Variants in C1orf87 observed in about 807,000 individuals in gnomAD.
C1orf87 encodes uncharacterized protein C1orf87.
C1orf87 carries 58 observed loss-of-function variants against 60.5 expected under a neutral mutation model. The ratio of observed to expected loss-of-function variants is 0.96; its 90% CI spans 0.78 to 1.19. The LOEUF (loss-of-function observed/expected upper bound fraction) is 1.19, where lower values mean the gene tolerates loss of function less well. Among genes scored for constraint, C1orf87 ranks in the 50% most tolerant of loss-of-function variants. C1orf87 has a pLI of 0.00. For synonymous variants in C1orf87, 236 were observed against 227.4 expected (o/e 1.04, Z -0.34); for missense variants, 673 against 638.6 (o/e 1.05, Z -0.58).
chr1:60,018,592 C>A (rs922936681), intron 8 of C1orf87, among the ~76,000 whole-genome samples: 12 of 152,124 alleles, frequency 7.9e-5, no homozygotes, highest in African/African-American at 2.4e-4. Context: ...CTTGCTTTTT[C>A]TTCCTTTAGA....
At chr1:60,045,836 G>A (rs926507334) in intron 3 of C1orf87, among the ~76,000 whole-genome samples, 17 of 152,284 alleles carry the variant, frequency 1.1e-4, no homozygotes, top group Admixed American at 7.2e-4. Flanking sequence ...TCTGACGCAC[G>A]CTGAAGTTTG....
intron 6 of C1orf87, among the ~76,000 whole-genome samples, chr1:60,037,373 A>G (rs1326039125): frequency 6.6e-6 from 1 of 152,164 alleles, no homozygotes; most frequent in Non-Finnish European, 1.5e-5. Context: ...AGAATATCTG[A>G]GATTGGGTCA....
chr1:60,070,247 T>G (rs1429565480), intron 2 of C1orf87, among the ~76,000 whole-genome samples: 2 of 152,202 alleles, frequency 1.3e-5, no homozygotes, highest in Admixed American at 6.5e-5. Context: ...TCAACACATG[T>G]CTTGCAGGAA....
chr1:60,038,961 G>A (rs1453424048), intron 5 of C1orf87, among the ~76,000 whole-genome samples: 1 of 152,126 alleles, frequency 6.6e-6, no homozygotes, highest in Admixed American at 6.5e-5. Flanking sequence ...AAATTTGGTT[G>A]AACTGAATAT....
chr1:59,997,908 T>C, intron 10 of C1orf87, 92 bp from the exon 11 acceptor site: 1 of 1,238,012 alleles, frequency 8.1e-7, no homozygotes, highest in East Asian at 2.5e-5. Flanking sequence ...ACTAGCAAGA[T>C]TTATAGCAAG....
Position 60,017,700 on chromosome 1 carries a change from A to G in C1orf87, c.1128-7244T>C, listed in dbSNP as rs562347814. Among the ~76,000 whole-genome samples the G allele has an allele frequency of 2.6e-5, 4 of 152,320 alleles. No individual in the cohort carries two copies. In the South Asian group the frequency reaches 8.3e-4, roughly 32 times the overall value. On this transcript the variant is annotated intron_variant, in intron 8 of 11. Transcript: ENST00000371201. ...CATGTTCCTGGCCAAGAACACGGAT[A>G]ATAATTTCCATCCAACAAAACCTGA...
intron 8 of C1orf87, among the ~76,000 whole-genome samples, chr1:60,012,543 C>T (rs1337738): frequency 0.023 from 3,445 of 152,154 alleles, 130 homozygotes; most frequent in African/African-American, 0.08. Context: ...CTATTCACAA[C>T]TTAAATTTGG....
chr1:59,990,692 C>A lies in C1orf87; in HGVS notation c.1622G>T (p.Arg541Leu). 1 of 1,613,922 alleles carries A rather than the reference C, an allele frequency of 6.2e-7. No individual in the cohort carries two copies. The highest frequency in any genetic ancestry group is 8.5e-7 in the Non-Finnish European group (1 of 1,179,894). Residue 541 changes from arginine to leucine, a missense_variant, in exon 12 of 12, where the codon CGG becomes CTG. Physicochemically the swap from Arg to Leu is moderately radical, Grantham distance 102. Coordinates refer to ENST00000371201, the MANE Select transcript of C1orf87 (RefSeq NM_152377.3). ...TTGTTATCATAGCTCCTTTAAGTAC[C>A]GCAGTGCTGGCTCCAAGAGCATATT... Reference protein sequence around the residue: ...GENMLLEPALRYLKEL With the variant: ...GENMLLEPALLYLKEL
chr1:60,033,519 C>T lies in C1orf87; in HGVS notation c.986G>A (p.Arg329Gln), dbSNP rs772529746. Residue 329 changes from arginine (R) to glutamine (Q), a missense_variant, in exon 7 of 12, where the codon CGA becomes CAA. By Grantham distance (43) the Arg-to-Gln change is conservative. Transcript: ENST00000371201. ...LNIDNLNLSF[R>Q]KEDRSFSGCL... ...GCCAGAGAACGAGCGATCTTCTTTT[C>T]GAAAACTCAGATTGAGATTGTCTAT... 3.7e-6 allele frequency: 6 copies of T among 1,613,814 alleles called. No individual in the cohort carries two copies. Among genetic ancestry groups the T allele is most frequent in the South Asian group, 2.2e-5 (2 of 90,948 alleles).
chr1:60,071,354 A>G (rs1645582939), intron 2 of C1orf87, among the ~76,000 whole-genome samples: 1 of 152,170 alleles, frequency 6.6e-6, no homozygotes, highest in African/African-American at 2.4e-5. Flanking sequence ...CCCACTTCAT[A>G]TATGTAGAAT....
Position 59,990,546 on chromosome 1 carries a change from CT to C in C1orf87, c.*126del, listed in dbSNP as rs1644913244. On this transcript the variant is annotated 3_prime_UTR_variant, in exon 12 of 12. Transcript: ENST00000371201. ...GAAACTAAGTCCAAATCAAAAGCAT[CT>C]ACAATAGCTGCATCGGCCTCCACTC... is the stretch of plus-strand genomic sequence containing the variant. 3 of 1,153,510 alleles carry C rather than the reference CT, an allele frequency of 2.6e-6. No individual in the cohort carries two copies. In the South Asian group the frequency reaches 4.5e-5, roughly 17 times the overall value. 71.5% of individuals were successfully genotyped at this position (1,153,510 alleles called of 1,614,324 possible). A position where few individuals can be genotyped will look rare whatever the true frequency, so the allele number is the denominator to read the frequency against.
intron 8 of C1orf87, among the ~76,000 whole-genome samples, chr1:60,014,584 C>T (rs1418892364): frequency 6.6e-6 from 1 of 151,924 alleles, no homozygotes; most frequent in Admixed American, 6.6e-5. Context: ...AAAATATAGG[C>T]TATTTTATTG....
chr1:60,018,452 A>G (rs796455510), intron 8 of C1orf87, among the ~76,000 whole-genome samples: 25 of 152,196 alleles, frequency 1.6e-4, no homozygotes, highest in African/African-American at 6.0e-4. Context: ...GTAGCCTAAC[A>G]CTATTTGCTC....
intron 11 of C1orf87, among the ~76,000 whole-genome samples, chr1:59,993,756 CTTTT>C (rs768907279): frequency 2.3e-5 from 3 of 129,210 alleles, no homozygotes. Flanking sequence ...AATAAGAATC[CTTTT>C]TTTTTTTTTT....
rs537605141 is a variant in C1orf87 at position 60,048,216 on chromosome 1, T to A, written c.342+6988A>T. The stretch of plus-strand genomic sequence containing the variant: ...CACTCATTTTGTGAGAAGCCAGCCA[T>A]GTCATGCACACCCCTAGAGAGAAGC... On this transcript the variant is annotated intron_variant, in intron 3 of 11. Coordinates refer to ENST00000371201, the MANE Select transcript of C1orf87 (RefSeq NM_152377.3). Among the ~76,000 whole-genome samples the A allele has an allele frequency of 1.1e-4, 16 of 152,306 alleles. No homozygotes were observed. The South Asian group carries it at 2.1e-3, about 20-fold the overall frequency.
chr1:60,064,631 A>AATATATAT (rs201618962), intron 2 of C1orf87, among the ~76,000 whole-genome samples: 1 of 106,530 alleles, frequency 9.4e-6, no homozygotes, highest in African/African-American at 3.7e-5. Flanking sequence ...CATATATATA[A>AATATATAT]ATATATATGA....
At chr1:60,045,810 T>A (rs957559575) in intron 3 of C1orf87, among the ~76,000 whole-genome samples, 2 of 152,196 alleles carry the variant, frequency 1.3e-5, no homozygotes, top group East Asian at 3.8e-4. Flanking sequence ...TGTGTTTGAA[T>A]AAGTCCTCCA....
chr1:60,066,848 G>A (rs12049281), intron 2 of C1orf87, among the ~76,000 whole-genome samples: 3 of 151,578 alleles, frequency 2.0e-5, no homozygotes, highest in African/African-American at 7.3e-5. Flanking sequence ...CCACTGACAA[G>A]CCCTGGTGTG....
chr1:60,010,327 G>T, intron 9 of C1orf87, 65 bp downstream of exon 9: 1 of 1,396,632 alleles, frequency 7.2e-7, no homozygotes, highest in Non-Finnish European at 1.0e-6. Flanking sequence ...AAACTAGGCA[G>T]CATAGTCAAC....
Sources: allele counts gnomAD v4.1 joint callset (sites outside exome capture counted in the v4.1 genomes callset), GRCh38; gene constraint gnomAD v4.1.1; transcripts MANE v1.5; gene names NCBI Gene and HGNC (gene_info 2026-07-23, HGNC 2026-07-21).